The following SIDT1 variants were observed in gnomAD, a reference collection of about 807,000 sequenced individuals.
SIDT1 encodes the protein SID1 transmembrane family member 1, also known as SID1 transmembrane family, member 1.
Under a neutral mutation model 107.5 loss-of-function variants are expected in SIDT1, and 101 were observed. The observed-to-expected ratio is 0.94, with a 90% confidence interval of 0.80 to 1.11. SIDT1 has a LOEUF of 1.11. Among genes scored for constraint, SIDT1 ranks in the 50% least tolerant of loss-of-function variants. The probability of loss-of-function intolerance (pLI) is 0.00; values close to 1 mark genes in which losing one functional copy is unlikely to be tolerated. For missense variants in SIDT1, 1,076 were observed against 1,058.2 expected (o/e 1.02, Z -0.23); for synonymous variants, 395 against 398.2 (o/e 0.99, Z 0.10).
In SIDT1 at chr3:113,618,052, G is replaced by A. The variant is rs749636702; in HGVS notation, c.2044-1628G>A. On this transcript the variant is annotated intron_variant, in intron 20 of 24. Transcript: ENST00000264852. ...TAGTATCATACAAGACAGTTCCACTGCCCTAAAAATCCTCTGGGCTCGGCC... is the reference window on the plus strand; with the variant it reads ...TAGTATCATACAAGACAGTTCCACTACCCTAAAAATCCTCTGGGCTCGGCC... Among the ~76,000 whole-genome samples the A allele has an allele frequency of 1.8e-4, 27 of 152,134 alleles. 1 individual carries two copies. The highest frequency in any genetic ancestry group is 2.9e-5 in the Non-Finnish European group (2 of 68,026).
At chr3:113,619,048 C>T (rs1240191038) in intron 20 of SIDT1, among the ~76,000 whole-genome samples, 1 of 152,216 alleles carries the variant, frequency 6.6e-6, no homozygotes, top group Non-Finnish European at 1.5e-5. Flanking sequence ...TGGTTTCAAA[C>T]TCCTGACCTC....
chr3:113,564,457 T>A (rs1315899597), intron 1 of SIDT1, among the ~76,000 whole-genome samples: 1 of 152,200 alleles, frequency 6.6e-6, no homozygotes, highest in Non-Finnish European at 1.5e-5. Context: ...GAAACTGCCC[T>A]TCTAGCAAGT....
rs184817465 is a variant in SIDT1 at position 113,570,805 on chromosome 3, C to T, written c.515+3095C>T. 4.6e-5 allele frequency among the ~76,000 whole-genome samples: 7 copies of T among 152,290 alleles called. No individual in the cohort carries two copies. The East Asian group carries it at 1.4e-3, about 29-fold the overall frequency. ...GTTTCTATTGTATGTTTTTGAGTGG[C>T]AGCCTATAATGTATATGGAACACAT... On this transcript the variant is annotated intron_variant, in intron 3 of 24. Coordinates refer to ENST00000264852, the MANE Select transcript of SIDT1 (RefSeq NM_017699.3).
At chr3:113,597,382 A>T (rs1944640834) in intron 10 of SIDT1, among the ~76,000 whole-genome samples, 1 of 151,614 alleles carries the variant, frequency 6.6e-6, no homozygotes, top group Admixed American at 6.6e-5. Context: ...CTGTAGTCCC[A>T]GCTACTCAGG....
At chr3:113,609,443 G>A (rs1190790906) in intron 17 of SIDT1, among the ~76,000 whole-genome samples, 2 of 152,184 alleles carry the variant, frequency 1.3e-5, no homozygotes, top group Non-Finnish European at 2.9e-5. Flanking sequence ...AGCAAAAAAG[G>A]TGGGACTATC....
At chr3:113,629,933 A>C (rs1273033706), downstream of SIDT1, among the ~76,000 whole-genome samples, 1 of 152,214 alleles carries the variant, frequency 6.6e-6, no homozygotes, top group Non-Finnish European at 1.5e-5. Flanking sequence ...CATGTTGCTA[A>C]TTCTTTCCAC....
chr3:113,585,359 C>T, intron 9 of SIDT1, 89 bp downstream of exon 9: 1 of 962,102 alleles, frequency 1.0e-6, no homozygotes. Context: ...TATTGACTGG[C>T]TTCAAATCTC....
rs757469391 is a variant in SIDT1 at position 113,623,692 on chromosome 3, G to A, written c.2266G>A (p.Ala756Thr). 9.3e-6 allele frequency: 15 copies of A among 1,614,038 alleles called. No individual in the cohort carries two copies. Among genetic ancestry groups the A allele is most frequent in the Non-Finnish European group, 1.3e-5 (15 of 1,179,982 alleles). ...CGTGGCCACCGCTGTGATGTGGGCT[G>A]CCGCCCTATATTTTTTCTTCCAGAA... ...CIVATAVMWA[A>T]ALYFFFQNLS... is the part of the protein sequence containing the mutation. Residue 756 changes from alanine to threonine, a missense_variant, in exon 23 of 25, where the codon GCC becomes ACC. Coordinates refer to ENST00000264852, the MANE Select transcript of SIDT1 (RefSeq NM_017699.3).
intron 15 of SIDT1, among the ~76,000 whole-genome samples, chr3:113,607,751 T>C (rs970904351): frequency 3.3e-5 from 5 of 152,188 alleles, no homozygotes; most frequent in African/African-American, 1.2e-4. Context: ...GAGAACTCAC[T>C]CTCACGGTGT....
intron 1 of SIDT1, among the ~76,000 whole-genome samples, chr3:113,541,272 A>C (rs11924017): frequency 0.17 from 26,288 of 151,862 alleles, 3,342 homozygotes; most frequent in African/African-American, 0.36. Context: ...CGGGTTCAAG[A>C]AATTCCCCTG....
At position 113,612,613 on chromosome 3, in the gene SIDT1, T is replaced by C. The variant is rs79183507; in HGVS notation, c.1966+419T>C. Among the ~76,000 whole-genome samples the C allele has an allele frequency of 2.0e-5, 3 of 152,344 alleles. No individual in the cohort carries two copies. In the East Asian group the frequency reaches 5.8e-4, roughly 29 times the overall value. On this transcript the variant is annotated intron_variant, in intron 19 of 24. Transcript: ENST00000264852. ...CTAAATGGTTGTCAAGAATGAATTA[T>C]ATATTTTCAGATTCTAGGGCTGGAA...
At chr3:113,575,445 G>A (rs908872256) in intron 3 of SIDT1, among the ~76,000 whole-genome samples, 16 of 152,202 alleles carry the variant, frequency 1.1e-4, no homozygotes, top group African/African-American at 3.9e-4. Flanking sequence ...AGTGTCACAG[G>A]TCCAAACTCT....
intron 1 of SIDT1, among the ~76,000 whole-genome samples, chr3:113,558,219 C>T (rs1353189530): frequency 3.9e-5 from 6 of 152,192 alleles, no homozygotes; most frequent in Non-Finnish European, 8.8e-5. Context: ...CAAAGGCCAG[C>T]ACATCATGGC....
intron 3 of SIDT1, among the ~76,000 whole-genome samples, chr3:113,573,265 G>A (rs1244736335): frequency 6.6e-6 from 1 of 152,192 alleles, no homozygotes; most frequent in Non-Finnish European, 1.5e-5. Context: ...TCAAGGGATG[G>A]TCAAGTGCAG....
chr3:113,610,827 C>T (rs1242995441), intron 17 of SIDT1, among the ~76,000 whole-genome samples, 181 bp from the exon 18 acceptor site: 2 of 152,072 alleles, frequency 1.3e-5, no homozygotes, highest in Non-Finnish European at 2.9e-5. Flanking sequence ...GGAGTACGTG[C>T]GGTCTCCTAG....
intron 10 of SIDT1, among the ~76,000 whole-genome samples, chr3:113,598,565 T>G (rs1257782451): frequency 6.6e-6 from 1 of 152,218 alleles, no homozygotes; most frequent in Non-Finnish European, 1.5e-5. Flanking sequence ...AAAATCTTTT[T>G]TTATAGAAAC....
chr3:113,568,757 C>T (rs577530554), intron 3 of SIDT1, among the ~76,000 whole-genome samples: 6 of 152,230 alleles, frequency 3.9e-5, no homozygotes, highest in African/African-American at 1.4e-4. Flanking sequence ...TTGTGGTATT[C>T]ATTCAGTGGG....
At chr3:113,619,629 A>G (rs777892782) in intron 20 of SIDT1, 51 bp from the exon 21 acceptor site, 1 of 1,532,422 alleles carries the variant, frequency 6.5e-7, no homozygotes, top group Middle Eastern at 1.7e-4. Flanking sequence ...AGGTTAAAAG[A>G]AAAGTAGGCT....
Position 113,532,610 on chromosome 3 carries a change from G to A in SIDT1, c.-412G>A. The A allele has an allele frequency of 6.0e-6, 1 of 165,530 alleles. No individual in the cohort carries two copies. Among genetic ancestry groups the A allele is most frequent in the Non-Finnish European group, 1.3e-5 (1 of 77,336 alleles). The allele number at this position is 165,530 out of a possible 1,614,324, so 10.3% of individuals were successfully genotyped here. On this transcript the variant is annotated 5_prime_UTR_variant, in exon 1 of 25. Coordinates refer to ENST00000264852, the MANE Select transcript of SIDT1 (RefSeq NM_017699.3). ...ATGTGGCGTCAGGTTGACTTTTCGAGACTAGCGGGTATTTCTTTTTAATGA... is the reference window on the plus strand; with the variant it reads ...ATGTGGCGTCAGGTTGACTTTTCGAAACTAGCGGGTATTTCTTTTTAATGA...
Sources: gnomAD v4.1 joint callset for allele counts (sites outside exome capture counted in the v4.1 genomes callset) on GRCh38, gnomAD v4.1.1 for gene constraint, MANE v1.5 for transcripts, NCBI Gene and HGNC (gene_info 2026-07-23, HGNC 2026-07-21) for gene names.